The following TCERG1L variants were observed in gnomAD, a reference collection of about 807,000 sequenced individuals.
The protein encoded by TCERG1L is transcription elongation regulator 1 like.
In TCERG1L, 37 loss-of-function variants were observed where a neutral mutation model predicts 56.3. The ratio of observed to expected loss-of-function variants is 0.66; its 90% CI spans 0.51 to 0.87. The LOEUF (loss-of-function observed/expected upper bound fraction) is 0.87, where lower values mean the gene tolerates loss of function less well. TCERG1L is among the 40% of genes least tolerant of loss of function. TCERG1L has a pLI of 0.00. For synonymous variants in TCERG1L, 324 were observed against 326.3 expected (o/e 0.99, Z 0.08); for missense variants, 799 against 774.2 (o/e 1.03, Z -0.38).
At chr10:131,225,045 G>A (rs1045466289) in intron 4 of TCERG1L, among the ~76,000 whole-genome samples, 1 of 152,142 alleles carries the variant, frequency 6.6e-6, no homozygotes, top group African/African-American at 2.4e-5. Flanking sequence ...TGTGTTGACT[G>A]AGAAAGGCCT....
chr10:131,279,981 T>C (rs1846433796), intron 3 of TCERG1L, among the ~76,000 whole-genome samples: 1 of 152,152 alleles, frequency 6.6e-6, no homozygotes, highest in Non-Finnish European at 1.5e-5. Flanking sequence ...GCCTACACCC[T>C]TTCGTGAGCC....
chr10:131,121,708 A>G (rs933231217), intron 8 of TCERG1L, among the ~76,000 whole-genome samples: 2 of 151,952 alleles, frequency 1.3e-5, no homozygotes, highest in African/African-American at 4.8e-5. Flanking sequence ...AGAGACAGAG[A>G]TGCCCCCTCG....
intron 4 of TCERG1L, among the ~76,000 whole-genome samples, chr10:131,171,609 C>T (rs2133441273): frequency 6.6e-6 from 1 of 152,314 alleles, no homozygotes; most frequent in Non-Finnish European, 1.5e-5. Context: ...GACAGGGTCT[C>T]ACTCTGTCAT....
chr10:131,285,464 GGAAGA>G (rs1186756205), intron 3 of TCERG1L, among the ~76,000 whole-genome samples: 2 of 92,304 alleles, frequency 2.2e-5, no homozygotes, highest in African/African-American at 9.7e-5. Flanking sequence ...AGAGAGAAAG[GGAAGA>G]AAGAAAGAAA....
chr10:131,210,319 T>C (rs887860839), intron 4 of TCERG1L, among the ~76,000 whole-genome samples: 1 of 152,164 alleles, frequency 6.6e-6, no homozygotes, highest in Admixed American at 6.5e-5. Flanking sequence ...TCCAGGCCCC[T>C]GTGCCCACAG....
chr10:131,117,025 C>T, intron 8 of TCERG1L, 91 bp from the exon 9 acceptor site: 1 of 1,446,730 alleles, frequency 6.9e-7, no homozygotes. Context: ...CAAGGTAACT[C>T]TTTCAGAAGC....
At chr10:131,220,746 T>C (rs993331307) in intron 4 of TCERG1L, among the ~76,000 whole-genome samples, 3 of 152,016 alleles carry the variant, frequency 2.0e-5, no homozygotes, top group Non-Finnish European at 2.9e-5. Flanking sequence ...CCCCAGCTCC[T>C]CCGCCCCTGC....
At chr10:131,270,844 G>A (rs1045173137) in intron 3 of TCERG1L, among the ~76,000 whole-genome samples, 11 of 152,174 alleles carry the variant, frequency 7.2e-5, no homozygotes, top group East Asian at 1.9e-4. Flanking sequence ...TGATGGTGCC[G>A]ACGTTCCTGT....
At chr10:131,291,626 C>T (rs1275099475) in intron 3 of TCERG1L, among the ~76,000 whole-genome samples, 1 of 151,218 alleles carries the variant, frequency 6.6e-6, no homozygotes, top group African/African-American at 2.4e-5. Context: ...CGGGGTTTCA[C>T]CGTGTTAGCC....
intron 10 of TCERG1L, among the ~76,000 whole-genome samples, chr10:131,102,598 T>G (rs1845314662): frequency 2.0e-5 from 3 of 152,216 alleles, no homozygotes; most frequent in Non-Finnish European, 4.4e-5. Flanking sequence ...TGGGGGCCCC[T>G]GGTCACAGAA....
rs941865734 is a variant in TCERG1L, at chr10:131,092,967, C to A, written c.*195G>T. ...CGTATCACGGTGATTAGAAATGCATCAAACTCTGAATGTACAAAAGAGAGA... is the reference window on the plus strand; with the variant it reads ...CGTATCACGGTGATTAGAAATGCATAAAACTCTGAATGTACAAAAGAGAGA... On this transcript the variant is annotated 3_prime_UTR_variant, in exon 12 of 12. Coordinates refer to ENST00000368642, the MANE Select transcript of TCERG1L (RefSeq NM_174937.4). 7 of 540,114 alleles carry A rather than the reference C, an allele frequency of 1.3e-5. No homozygotes were observed. In the Middle Eastern group the frequency reaches 2.5e-3, roughly 191 times the overall value. 33.5% of individuals were successfully genotyped at this position (540,114 alleles called of 1,614,324 possible). A position where few individuals can be genotyped will look rare whatever the true frequency, so the allele number is the denominator to read the frequency against.
chr10:131,123,471 A>G (rs779294102), intron 8 of TCERG1L, among the ~76,000 whole-genome samples: 15 of 152,144 alleles, frequency 9.9e-5, no homozygotes, highest in Non-Finnish European at 1.5e-4. Flanking sequence ...CTAAGGTAGG[A>G]GCATCTAAGA....
At chr10:131,122,634 T>C (rs1410493030) in intron 8 of TCERG1L, among the ~76,000 whole-genome samples, 1 of 152,218 alleles carries the variant, frequency 6.6e-6, no homozygotes, top group Non-Finnish European at 1.5e-5. Flanking sequence ...GCTCCTGCGT[T>C]GTCACCTCGA....
chr10:131,308,397 G>T lies in TCERG1L; in HGVS notation c.490-6C>A. ...AAGGAATTATTAAAAAAGATCTGTCGAAAAATAATGCAAGCATAACACTGA... is the reference window on the plus strand; with the variant it reads ...AAGGAATTATTAAAAAAGATCTGTCTAAAAATAATGCAAGCATAACACTGA... On this transcript the variant is annotated splice_region_variant and splice_polypyrimidine_tract_variant and intron_variant, in intron 2 of 11. Transcript: ENST00000368642. 3.7e-6 allele frequency: 6 copies of T among 1,611,150 alleles called. No homozygotes were observed. The highest frequency in any genetic ancestry group is 5.1e-6 in the Non-Finnish European group (6 of 1,178,418).
At chr10:131,135,077 G>A (rs1250382001) in intron 7 of TCERG1L, among the ~76,000 whole-genome samples, 1 of 152,224 alleles carries the variant, frequency 6.6e-6, no homozygotes, top group Non-Finnish European at 1.5e-5. Flanking sequence ...AAGGTGCTTT[G>A]GTGTTTCCTG....
chr10:131,267,548 C>T lies in TCERG1L; in HGVS notation c.671-7104G>A, dbSNP rs1846299611. Among the ~76,000 whole-genome samples the T allele has an allele frequency of 6.6e-6, 1 of 152,222 alleles. No homozygotes were observed. The highest frequency in any genetic ancestry group is 6.5e-5 in the Admixed American group (1 of 15,284). ...GCTGTGCCCTTCTCTGCGTCTCCCT[C>T]TGCCGCAGTGGTGGCCCTTGCACAA... On this transcript the variant is annotated intron_variant, in intron 3 of 11. Transcript: ENST00000368642. This position sits in a 1 kb window ranked among gnomAD's most constrained non-coding sequence, Gnocchi z 4.9.
chr10:131,101,282 G>A (rs966547003), intron 10 of TCERG1L, among the ~76,000 whole-genome samples: 3 of 152,182 alleles, frequency 2.0e-5, no homozygotes, highest in African/African-American at 2.4e-5. Flanking sequence ...CATGAACCAC[G>A]TCCATCCAGC....
chr10:131,299,298 A>G (rs1409402947), intron 3 of TCERG1L, among the ~76,000 whole-genome samples: 1 of 152,066 alleles, frequency 6.6e-6, no homozygotes, highest in East Asian at 1.9e-4. Context: ...GGGAGGTTAG[A>G]TCTTTATATT....
At chr10:131,221,268 A>G (rs1845729125) in intron 4 of TCERG1L, among the ~76,000 whole-genome samples, 1 of 152,232 alleles carries the variant, frequency 6.6e-6, no homozygotes, top group African/African-American at 2.4e-5. Flanking sequence ...CGTCCAGGAA[A>G]GGCAGGAGGA....
Sources: allele counts gnomAD v4.1 joint callset (sites outside exome capture counted in the v4.1 genomes callset), GRCh38; gene constraint gnomAD v4.1.1; non-coding constraint Gnocchi (gnomAD v3.1); transcripts MANE v1.5; gene names NCBI Gene and HGNC (gene_info 2026-07-23, HGNC 2026-07-21).